The following SLC30A7 variants were observed in gnomAD, a reference collection of about 807,000 sequenced individuals.
SLC30A7 encodes the protein solute carrier family 30 member 7, also known as zinc transporter 7.
SLC30A7 carries 35 observed loss-of-function variants against 46.0 expected under a neutral mutation model. The ratio of observed to expected loss-of-function variants is 0.76; its 90% CI spans 0.58 to 1.01. The LOEUF (loss-of-function observed/expected upper bound fraction) is 1.01. Among genes scored for constraint, SLC30A7 ranks in the 50% least tolerant of loss-of-function variants. The pLI is 0.00. For synonymous variants in SLC30A7, 147 were observed against 157.8 expected, an observed-to-expected ratio of 0.93 and a Z score of 0.51; for missense variants, 464 against 451.1, an observed-to-expected ratio of 1.03 and a Z score of -0.26.
At chr1:100,955,031 A>G (rs1277139057) in intron 8 of SLC30A7, among the ~76,000 whole-genome samples, 2 of 152,104 alleles carry the variant, frequency 1.3e-5, no homozygotes, top group South Asian at 2.1e-4. Context: ...ATTCATCAAG[A>G]TGAATCTGTA....
At chr1:100,916,218 G>A (rs936625904) in intron 6 of SLC30A7, among the ~76,000 whole-genome samples, 6 of 151,246 alleles carry the variant, frequency 4.0e-5, no homozygotes, top group East Asian at 1.9e-4. Flanking sequence ...ATGGAGTCTC[G>A]CTCTGTCACC....
At chr1:100,958,277 C>T (rs779379832) in intron 8 of SLC30A7, among the ~76,000 whole-genome samples, 6 of 152,100 alleles carry the variant, frequency 3.9e-5, no homozygotes, top group Middle Eastern at 3.4e-3. Context: ...CCCGGGTTCA[C>T]GCCATTCTCC....
intron 8 of SLC30A7, among the ~76,000 whole-genome samples, chr1:100,944,112 G>A (rs2101060906): frequency 6.6e-6 from 1 of 152,286 alleles, no homozygotes; most frequent in South Asian, 2.1e-4. Flanking sequence ...AGTGAGGGCA[G>A]TGGCACAGTC....
At chr1:100,928,498 TGGTA>T (rs1201325951) in intron 8 of SLC30A7, among the ~76,000 whole-genome samples, 2 of 152,132 alleles carry the variant, frequency 1.3e-5, no homozygotes, top group Non-Finnish European at 2.9e-5. Context: ...CAAAGAAACT[TGGTA>T]AAATATAGAA....
intron 6 of SLC30A7, among the ~76,000 whole-genome samples, chr1:100,915,249 C>CTTTCTTTCT (rs1414891931): frequency 2.0e-5 from 2 of 97,862 alleles, no homozygotes; most frequent in African/African-American, 8.0e-5. Context: ...TTCTTTCTTT[C>CTTTCTTTCT]TTTCTTCCTT....
intron 7 of SLC30A7, among the ~76,000 whole-genome samples, chr1:100,920,138 A>G (rs1009036482): frequency 3.3e-5 from 5 of 152,128 alleles, no homozygotes; most frequent in Non-Finnish European, 5.9e-5. Context: ...AGGAAAATCA[A>G]GAACAAATCA....
intron 8 of SLC30A7, among the ~76,000 whole-genome samples, chr1:100,948,892 C>T (rs951659751): frequency 6.6e-6 from 1 of 152,272 alleles, no homozygotes; most frequent in African/African-American, 2.4e-5. Context: ...TCCCTTAGGT[C>T]ATTTAAGGTC....
intron 7 of SLC30A7, among the ~76,000 whole-genome samples, chr1:100,919,022 A>G (rs1275645067): frequency 6.6e-6 from 1 of 152,218 alleles, no homozygotes; most frequent in Admixed American, 6.5e-5. Flanking sequence ...TTGCTTTTAC[A>G]GGATTATTAT....
intron 8 of SLC30A7, among the ~76,000 whole-genome samples, chr1:100,944,495 TTTTA>T (rs1273790963): frequency 3.9e-5 from 6 of 152,164 alleles, no homozygotes; most frequent in East Asian, 1.9e-4. Flanking sequence ...TCTTTAGTTT[TTTTA>T]TTTATTTATT....
chr1:100,975,803 G>A lies in SLC30A7; in HGVS notation c.*946G>A, dbSNP rs1336955335. The A allele has an allele frequency of 6.8e-6, 1 of 147,056 alleles. No homozygotes were observed. Among genetic ancestry groups the A allele is most frequent in the Non-Finnish European group, 1.5e-5 (1 of 67,532 alleles). 9.1% of individuals were successfully genotyped at this position (147,056 alleles called of 1,614,324 possible). A position where few individuals can be genotyped will look rare whatever the true frequency, so the allele number is the denominator to read the frequency against. Reference sequence around the variant, plus strand: ...AGCCTCCCAAAGTGCTGGGATTACAGGTGTGAGCCACCACGCCCGGCTATG... The same window carrying A: ...AGCCTCCCAAAGTGCTGGGATTACAAGTGTGAGCCACCACGCCCGGCTATG... On this transcript the variant is annotated 3_prime_UTR_variant, in exon 11 of 11. Coordinates refer to ENST00000357650, the MANE Select transcript of SLC30A7 (RefSeq NM_133496.5).
chr1:100,928,982 A>G (rs1358974389), intron 8 of SLC30A7, among the ~76,000 whole-genome samples: 2 of 152,168 alleles, frequency 1.3e-5, no homozygotes, highest in Non-Finnish European at 2.9e-5. Flanking sequence ...ATTCAATGGT[A>G]ATAAATGACA....
intron 8 of SLC30A7, 70 bp downstream of exon 8, chr1:100,921,911 T>A (rs1406794484): frequency 7.7e-7 from 1 of 1,294,822 alleles, no homozygotes; most frequent in Admixed American, 2.3e-5. Context: ...AAATTATAGG[T>A]CTAAAATACA....
intron 8 of SLC30A7, among the ~76,000 whole-genome samples, chr1:100,927,553 A>C (rs1653384065): frequency 6.6e-6 from 1 of 152,216 alleles, no homozygotes; most frequent in Non-Finnish European, 1.5e-5. Flanking sequence ...GAGCAGTGTG[A>C]TTGCCTGGCA....
At chr1:100,952,036 G>A (rs1654982568) in intron 8 of SLC30A7, among the ~76,000 whole-genome samples, 1 of 152,220 alleles carries the variant, frequency 6.6e-6, no homozygotes, top group Non-Finnish European at 1.5e-5. Context: ...GAAGATGGAG[G>A]AAGAGGCCGG....
At chr1:100,934,429 G>C (rs1208328884) in intron 8 of SLC30A7, among the ~76,000 whole-genome samples, 1 of 152,046 alleles carries the variant, frequency 6.6e-6, no homozygotes. Flanking sequence ...GGCCATTTAG[G>C]TTATGAACTA....
At chr1:100,909,943 A>G (rs1657966965) in intron 3 of SLC30A7, among the ~76,000 whole-genome samples, 1 of 150,884 alleles carries the variant, frequency 6.6e-6, no homozygotes, top group Admixed American at 6.6e-5. Flanking sequence ...GTTGCAAATT[A>G]TTTGAATTTA....
At chr1:100,966,047 A>G (rs1277296573) in intron 10 of SLC30A7, 129 bp downstream of exon 10, 12 of 742,542 alleles carry the variant, frequency 1.6e-5, no homozygotes, top group Non-Finnish European at 2.6e-5. Flanking sequence ...TGTGGGCAAC[A>G]TAGTGAGACC....
rs1241758598 is a variant in SLC30A7 at position 100,965,809 on chromosome 1, A to G, written c.974A>G (p.His325Arg). Residue 325 changes from histidine (H) to arginine (R), a missense_variant, in exon 10 of 11, where the codon CAC (histidine) becomes CGC (arginine). Coordinates refer to ENST00000357650, the MANE Select transcript of SLC30A7 (RefSeq NM_133496.5). Reference protein sequence around the residue: ...LQGVYSLQEQHFWTLCSDVYV... With the variant: ...LQGVYSLQEQRFWTLCSDVYV... ...GGAGTTTACAGTTTACAGGAACAGC[A>G]CTTCTGGACTTTATGTTCTGACGTT... 1.9e-6 allele frequency: 3 copies of G among 1,613,830 alleles called. No individual in the cohort carries two copies. In the Admixed American group the frequency reaches 5.0e-5, roughly 27 times the overall value.
intron 8 of SLC30A7, among the ~76,000 whole-genome samples, chr1:100,935,299 A>G (rs61780297): frequency 1.1e-3 from 164 of 152,110 alleles, no homozygotes; most frequent in Non-Finnish European, 1.7e-3. Flanking sequence ...GGTTCCTCAC[A>G]TAGTACTTTT....
Sources: gnomAD v4.1 joint callset for allele counts (sites outside exome capture counted in the v4.1 genomes callset) on GRCh38, gnomAD v4.1.1 for gene constraint, MANE v1.5 for transcripts, NCBI Gene and HGNC (gene_info 2026-07-23, HGNC 2026-07-21) for gene names.